DGLUCY: variants seen among roughly 807,000 people sequenced by gnomAD.
DGLUCY encodes D-glutamate cyclase, also known as D-glutamate cyclase, mitochondrial.
In DGLUCY, 58 loss-of-function variants were observed where a neutral mutation model predicts 58.5. The ratio of observed to expected loss-of-function variants is 0.99; its 90% CI spans 0.80 to 1.23. The LOEUF (loss-of-function observed/expected upper bound fraction) is 1.23. Ranked by LOEUF, DGLUCY falls within the 50% of genes most tolerant of loss-of-function variation. The pLI, the probability that DGLUCY is intolerant of heterozygous loss-of-function variation, is 0.00. For missense variants in DGLUCY, 779 were observed against 784.7 expected (o/e 0.99, Z 0.09); for synonymous variants, 325 against 314.1 (o/e 1.03, Z -0.37).
chr14:91,161,400 A>G (rs73332545), intron 3 of DGLUCY, among the ~76,000 whole-genome samples: 2,995 of 152,288 alleles, frequency 0.02, 56 homozygotes, highest in African/African-American at 0.046. Context: ...TAGTGGCTTA[A>G]AACCATTAAT....
At position 91,204,832 on chromosome 14, in the gene DGLUCY, A is replaced by G; in HGVS notation, c.1564+7A>G. On this transcript the variant is annotated splice_region_variant and intron_variant, in intron 12 of 13. Transcript: ENST00000256324. ...GACTTTGCCGTCATTGCTGGTGAGC[A>G]CTCGGATGGCCGCCCAGTCCGGCCG... 1 of 1,613,744 alleles carries G rather than the reference A, an allele frequency of 6.2e-7. No individual in the cohort carries two copies. The highest frequency in any genetic ancestry group is 8.5e-7 in the Non-Finnish European group (1 of 1,179,888).
At chr14:91,150,055 C>T (rs2047230273) in intron 1 of DGLUCY, among the ~76,000 whole-genome samples, 1 of 151,778 alleles carries the variant, frequency 6.6e-6, no homozygotes. Flanking sequence ...CCTGCCTCTA[C>T]TAAAAATACA....
chr14:91,143,633 C>A lies in DGLUCY; in HGVS notation c.-81-14006C>A, dbSNP rs189840254. ...CCTGGTGGCCAATGTTTTCTTGAAC[C>A]TCTATATCACCCTTCAGCTCCTGGG... On this transcript the variant is annotated intron_variant, in intron 1 of 13. Coordinates refer to ENST00000256324, the MANE Select transcript of DGLUCY (RefSeq NM_001102368.3). Among the ~76,000 whole-genome samples, 225 of 152,254 alleles carry A rather than the reference C, an allele frequency of 1.5e-3. 2 individuals carry two copies. The highest frequency in any genetic ancestry group is 0.014 in the Middle Eastern group (4 of 294).
intron 1 of DGLUCY, among the ~76,000 whole-genome samples, chr14:91,146,255 G>A (rs2047006476): frequency 1.3e-5 from 2 of 152,212 alleles, no homozygotes; most frequent in South Asian, 4.1e-4. Flanking sequence ...GCTGAGTTGG[G>A]ATCTGAACTC....
intron 9 of DGLUCY, among the ~76,000 whole-genome samples, chr14:91,190,343 C>T (rs943890553): frequency 2.6e-5 from 4 of 152,136 alleles, no homozygotes; most frequent in Admixed American, 6.6e-5. Flanking sequence ...CCTGCCCCCA[C>T]GGAGAGTATC....
At chr14:91,207,161 G>GGAAAAA (rs1407060799) in intron 12 of DGLUCY, among the ~76,000 whole-genome samples, 1 of 85,326 alleles carries the variant, frequency 1.2e-5, no homozygotes, top group African/African-American at 4.6e-5. Flanking sequence ...ACTGTCTCAG[G>GGAAAAA]AAAAAAAAAA....
chr14:91,094,235 G>C (rs2044357234), intron 1 of DGLUCY, among the ~76,000 whole-genome samples: 1 of 151,754 alleles, frequency 6.6e-6, no homozygotes, highest in African/African-American at 2.4e-5. Context: ...AGGAGTTCGA[G>C]ACCAGCCTAG....
At chr14:91,198,270 C>T (rs1191548116) in intron 10 of DGLUCY, among the ~76,000 whole-genome samples, 2 of 151,548 alleles carry the variant, frequency 1.3e-5, no homozygotes, top group African/African-American at 4.9e-5. Context: ...TCTCGAACTC[C>T]TGGCCTCAGG....
At chr14:91,105,481 C>G (rs897185647), upstream of DGLUCY, among the ~76,000 whole-genome samples, 1 of 152,112 alleles carries the variant, frequency 6.6e-6, no homozygotes, top group African/African-American at 2.4e-5. Context: ...TGTGCCAGGC[C>G]TGGTACTAAG....
At chr14:91,070,396 A>G (rs766520128) in intron 1 of DGLUCY, among the ~76,000 whole-genome samples, 50 of 152,342 alleles carry the variant, frequency 3.3e-4, no homozygotes, top group Non-Finnish European at 1.6e-4. Context: ...AAATACTGTC[A>G]ACAGATTTGG....
intron 1 of DGLUCY, among the ~76,000 whole-genome samples, 153 bp from the exon 2 acceptor site, chr14:91,157,486 T>C (rs749741957): frequency 2.6e-5 from 4 of 152,202 alleles, no homozygotes; most frequent in Non-Finnish European, 4.4e-5. Context: ...TGTGGGACTA[T>C]AGTGACAAAC....
At chr14:91,201,307 T>TA (rs1381548993) in intron 11 of DGLUCY, among the ~76,000 whole-genome samples, 1 of 151,338 alleles carries the variant, frequency 6.6e-6, no homozygotes, top group Non-Finnish European at 1.5e-5. Context: ...CAGGTAACTT[T>TA]TTTTTTTTTT....
intron 1 of DGLUCY, among the ~76,000 whole-genome samples, chr14:91,135,926 CTTTTTT>C (rs34202137): frequency 2.3e-4 from 12 of 51,216 alleles, no homozygotes; most frequent in African/African-American, 6.0e-4. Flanking sequence ...GATACATTAG[CTTTTTT>C]TTTTTTTTTT....
upstream of DGLUCY, among the ~76,000 whole-genome samples, chr14:91,110,496 T>C (rs2044676239): frequency 6.8e-6 from 1 of 147,958 alleles, no homozygotes; most frequent in Admixed American, 6.9e-5. Context: ...AGTGGTGCAA[T>C]CTCAGTTCAC....
At chr14:91,178,653 C>T (rs1595850911) in intron 7 of DGLUCY, among the ~76,000 whole-genome samples, 1 of 152,304 alleles carries the variant, frequency 6.6e-6, no homozygotes, top group African/African-American at 2.4e-5. Flanking sequence ...AGATTCAAGA[C>T]TTTTTCCCCT....
intron 9 of DGLUCY, chr14:91,189,705 C>T (rs1362155286): frequency 6.3e-6 from 1 of 158,616 alleles, no homozygotes. Flanking sequence ...ACCTCACCTC[C>T]ATCCTGCAGG....
chr14:91,222,280 C>A (rs1887632233), intron 13 of DGLUCY, among the ~76,000 whole-genome samples: 1 of 152,190 alleles, frequency 6.6e-6, no homozygotes, highest in Admixed American at 6.5e-5. Flanking sequence ...TGCCAGTCAG[C>A]TCGAAACCTG....
At chr14:91,216,284 T>C in intron 13 of DGLUCY, 1 of 157,586 alleles carries the variant, frequency 6.3e-6, no homozygotes, top group East Asian at 1.9e-4. Context: ...TTCCTGTACA[T>C]GTATTTTTCT....
chr14:91,103,811 AACACACAC>A (rs72140720), upstream of DGLUCY, among the ~76,000 whole-genome samples: 1 of 151,264 alleles, frequency 6.6e-6, no homozygotes, highest in Admixed American at 6.6e-5. Context: ...ACATATATGA[AACACACAC>A]ACACACACAT....
Sources: allele counts gnomAD v4.1 joint callset (sites outside exome capture counted in the v4.1 genomes callset), GRCh38; gene constraint gnomAD v4.1.1; transcripts MANE v1.5; gene names NCBI Gene and HGNC (gene_info 2026-07-23, HGNC 2026-07-21).